Variants in IFTAP observed in about 807,000 individuals in gnomAD.
The protein encoded by IFTAP is intraflagellar transport associated protein.
In IFTAP, 19 loss-of-function variants were observed where a neutral mutation model predicts 19.4. The observed-to-expected ratio is 0.98, with a 90% CI of 0.68 to 1.44. The LOEUF (loss-of-function observed/expected upper bound fraction) is 1.44. Ranked by LOEUF, IFTAP falls within the 40% of genes most tolerant of loss-of-function variation. IFTAP has a pLI of 0.00. For synonymous variants in IFTAP, 85 were observed against 83.5 expected, an observed-to-expected ratio of 1.02 and a Z score of -0.10; for missense variants, 240 against 253.6, an observed-to-expected ratio of 0.95 and a Z score of 0.36.
intron 1 of IFTAP, among the ~76,000 whole-genome samples, chr11:36,601,968 C>A (rs900448373): frequency 6.6e-6 from 1 of 152,094 alleles, no homozygotes; most frequent in Non-Finnish European, 1.5e-5. Context: ...TAATTTCTAT[C>A]TTTGAGTATA....
At chr11:36,636,392 A>G (rs1295509124) in intron 4 of IFTAP, among the ~76,000 whole-genome samples, 1 of 152,188 alleles carries the variant, frequency 6.6e-6, no homozygotes, top group Admixed American at 6.5e-5. Flanking sequence ...AATTGTCTCA[A>G]GTGGAGCCAT....
chr11:36,636,240 A>G, intron 4 of IFTAP, 123 bp downstream of exon 4: 2 of 700,966 alleles, frequency 2.9e-6, no homozygotes, highest in East Asian at 2.7e-5. Flanking sequence ...AGGAAGAACT[A>G]AAGTTGTGAG....
intron 2 of IFTAP, among the ~76,000 whole-genome samples, chr11:36,629,333 T>C (rs1052169971): frequency 1.5e-4 from 22 of 151,508 alleles, no homozygotes; most frequent in Non-Finnish European, 2.4e-4. Context: ...TGCACAGAAT[T>C]GTCCCCCTAT....
intron 5 of IFTAP, among the ~76,000 whole-genome samples, chr11:36,656,235 G>A (rs1358225992): frequency 6.6e-6 from 1 of 152,070 alleles, no homozygotes; most frequent in Non-Finnish European, 1.5e-5. Flanking sequence ...AGTGATGTGT[G>A]GGGAGGCTAG....
chr11:36,616,181 T>C (rs139276318), intron 2 of IFTAP, among the ~76,000 whole-genome samples: 4 of 152,114 alleles, frequency 2.6e-5, no homozygotes, highest in African/African-American at 9.6e-5. Flanking sequence ...GATCCAGCTT[T>C]CCAAGTGATT....
chr11:36,610,290 TA>T, intron 2 of IFTAP, 51 bp downstream of exon 2: 1 of 1,496,358 alleles, frequency 6.7e-7, no homozygotes, highest in Non-Finnish European at 9.1e-7. Context: ...ATAATTTTAT[TA>T]TAAGTGTATG....
intron 1 of IFTAP, among the ~76,000 whole-genome samples, chr11:36,598,664 A>T (rs1445436135): frequency 6.6e-6 from 1 of 152,146 alleles, no homozygotes; most frequent in Non-Finnish European, 1.5e-5. Context: ...CCCTCTACCA[A>T]CTTTATATCA....
At chr11:36,655,351 T>G (rs1222216617) in intron 5 of IFTAP, among the ~76,000 whole-genome samples, 1 of 152,182 alleles carries the variant, frequency 6.6e-6, no homozygotes, top group Non-Finnish European at 1.5e-5. Flanking sequence ...CTTCTCTGAT[T>G]CCTTCCCAAT....
At chr11:36,627,771 G>T (rs1238411978) in intron 2 of IFTAP, among the ~76,000 whole-genome samples, 1 of 150,836 alleles carries the variant, frequency 6.6e-6, no homozygotes, top group African/African-American at 2.5e-5. Context: ...TGGCCTCTTG[G>T]CACCAAACTG....
intron 1 of IFTAP, among the ~76,000 whole-genome samples, chr11:36,600,083 A>G (rs1851449937): frequency 6.6e-6 from 1 of 152,162 alleles, no homozygotes; most frequent in Non-Finnish European, 1.5e-5. Flanking sequence ...GGGTTTTAAG[A>G]CTCCAAGTCC....
intron 1 of IFTAP, among the ~76,000 whole-genome samples, chr11:36,595,940 C>A (rs151292872): frequency 2.0e-5 from 3 of 152,240 alleles, no homozygotes; most frequent in Admixed American, 6.5e-5. Flanking sequence ...GATGAGGGTG[C>A]TGGTAGTAGT....
In IFTAP at chr11:36,608,899, AGTTT is replaced by A. The variant is rs757926786; in HGVS notation, c.-23-1181_-23-1178del. Among the ~76,000 whole-genome samples, 166 of 152,076 alleles carry A rather than the reference AGTTT, an allele frequency of 1.1e-3. 3 individuals carry two copies. The highest frequency in any genetic ancestry group is 5.9e-4 in the Admixed American group (9 of 15,282). ...ACGGGTGAAATAATTGAGCAAGTATAGTTTAGTGTTTTGCCAGCTTCTAGCAATG... is the reference window on the plus strand; with the variant it reads ...ACGGGTGAAATAATTGAGCAAGTATAAGTGTTTTGCCAGCTTCTAGCAATG... On this transcript the variant is annotated intron_variant, in intron 1 of 5. Transcript: ENST00000334307.
intron 1 of IFTAP, among the ~76,000 whole-genome samples, chr11:36,609,775 G>A (rs983460705): frequency 3.3e-5 from 5 of 152,070 alleles, no homozygotes; most frequent in African/African-American, 7.2e-5. Context: ...CTCCTACCTC[G>A]AAAGACTTTG....
chr11:36,602,421 G>A (rs1010002852), intron 1 of IFTAP, among the ~76,000 whole-genome samples: 6 of 152,192 alleles, frequency 3.9e-5, no homozygotes, highest in African/African-American at 9.7e-5. Context: ...TTAATTAAGA[G>A]TGGATGCCTT....
intron 1 of IFTAP, among the ~76,000 whole-genome samples, chr11:36,603,913 A>C (rs944981358): frequency 2.0e-5 from 3 of 149,100 alleles, no homozygotes; most frequent in Non-Finnish European, 4.4e-5. Context: ...CAAGAGCAAA[A>C]CTCAGTCTCA....
At chr11:36,619,322 C>T (rs1047739492) in intron 2 of IFTAP, among the ~76,000 whole-genome samples, 2 of 151,942 alleles carry the variant, frequency 1.3e-5, no homozygotes, top group Non-Finnish European at 2.9e-5. Context: ...CCGAAGTTGA[C>T]GTATCATCTT....
At chr11:36,608,196 A>G (rs776506112) in intron 1 of IFTAP, among the ~76,000 whole-genome samples, 12 of 152,240 alleles carry the variant, frequency 7.9e-5, no homozygotes, top group Non-Finnish European at 1.6e-4. Flanking sequence ...ATAGGGAAAG[A>G]TTTAGAAGTA....
At chr11:36,600,556 T>C (rs766017210) in intron 1 of IFTAP, among the ~76,000 whole-genome samples, 22 of 152,180 alleles carry the variant, frequency 1.4e-4, no homozygotes, top group Admixed American at 3.3e-4. Context: ...CTCTGGTCCA[T>C]GGAAAAATTG....
intron 2 of IFTAP, among the ~76,000 whole-genome samples, chr11:36,624,101 C>T (rs983224542): frequency 2.0e-5 from 3 of 152,040 alleles, no homozygotes; most frequent in African/African-American, 4.8e-5. Flanking sequence ...TTAGAAACTT[C>T]GTTGGAAGAA....
Sources: gnomAD v4.1 joint callset for allele counts (sites outside exome capture counted in the v4.1 genomes callset) on GRCh38, gnomAD v4.1.1 for gene constraint, MANE v1.5 for transcripts, NCBI Gene and HGNC (gene_info 2026-07-23, HGNC 2026-07-21) for gene names.